ADAMTS12: variants seen among roughly 807,000 people sequenced by gnomAD.
ADAMTS12 encodes A disintegrin and metalloproteinase with thrombospondin motifs 12.
In ADAMTS12, 118 loss-of-function variants were observed where a neutral mutation model predicts 167.8. That is an observed-to-expected ratio of 0.70 (90% CI 0.61 to 0.82). The LOEUF (loss-of-function observed/expected upper bound fraction) is 0.82, where lower values mean the gene tolerates loss of function less well. Ranked by LOEUF, ADAMTS12 falls within the 40% of genes least tolerant of loss-of-function variation. ADAMTS12 has a pLI of 0.00. For synonymous variants in ADAMTS12, 704 were observed against 716.9 expected, an observed-to-expected ratio of 0.98 and a Z score of 0.29; for missense variants, 1,916 against 1,998.8, an observed-to-expected ratio of 0.96 and a Z score of 0.79.
At chr5:33,540,316 G>T (rs1744628472) in intron 22 of ADAMTS12, among the ~76,000 whole-genome samples, 1 of 152,256 alleles carries the variant, frequency 6.6e-6, no homozygotes, top group Non-Finnish European at 1.5e-5. Context: ...AGCTCGAACT[G>T]GGCGGAGCCC....
intron 3 of ADAMTS12, among the ~76,000 whole-genome samples, chr5:33,722,347 A>G (rs966847828): frequency 1.1e-4 from 16 of 152,212 alleles, no homozygotes; most frequent in Admixed American, 5.9e-4. Flanking sequence ...AATAATGATG[A>G]TGGTAAACAG....
intron 16 of ADAMTS12, 102 bp from the exon 17 acceptor site, chr5:33,596,162 A>C: frequency 6.9e-7 from 1 of 1,444,694 alleles, no homozygotes; most frequent in East Asian, 2.3e-5. Flanking sequence ...CTGACGGCTG[A>C]TGGGAAAGTT....
At chr5:33,854,386 A>G (rs1036153184) in intron 2 of ADAMTS12, among the ~76,000 whole-genome samples, 14 of 152,200 alleles carry the variant, frequency 9.2e-5, no homozygotes, top group South Asian at 6.2e-4. Flanking sequence ...TTCAAAGTAA[A>G]GTCTCCAGAA....
At chr5:33,719,353 A>G (rs1473685018) in intron 3 of ADAMTS12, among the ~76,000 whole-genome samples, 1 of 152,182 alleles carries the variant, frequency 6.6e-6, no homozygotes, top group East Asian at 1.9e-4. Flanking sequence ...AAGAAGGAAT[A>G]AGAAGAGCAG....
At chr5:33,533,467 T>C (rs1336411753) in intron 23 of ADAMTS12, among the ~76,000 whole-genome samples, 2 of 152,148 alleles carry the variant, frequency 1.3e-5, no homozygotes, top group African/African-American at 4.8e-5. Context: ...TCTAATTAGG[T>C]AGGTCTAGAG....
At chr5:33,581,319 A>G (rs1467200534) in intron 18 of ADAMTS12, among the ~76,000 whole-genome samples, 1 of 152,154 alleles carries the variant, frequency 6.6e-6, no homozygotes, top group Non-Finnish European at 1.5e-5. Flanking sequence ...CAGCATGTCA[A>G]CCTGTTAACC....
At chr5:33,565,884 C>T (rs1296964558) in intron 19 of ADAMTS12, among the ~76,000 whole-genome samples, 1 of 151,680 alleles carries the variant, frequency 6.6e-6, no homozygotes, top group Non-Finnish European at 1.5e-5. Flanking sequence ...AGTAATGGCT[C>T]GTTAAATCAA....
chr5:33,765,063 C>T (rs1055731980), intron 2 of ADAMTS12, among the ~76,000 whole-genome samples: 8 of 152,140 alleles, frequency 5.3e-5, no homozygotes, highest in Non-Finnish European at 7.4e-5. Context: ...AAAGTATATA[C>T]GTGAATGATC....
intron 21 of ADAMTS12, among the ~76,000 whole-genome samples, chr5:33,548,719 C>CACACACACAG (rs1745104019): frequency 6.6e-6 from 1 of 151,922 alleles, no homozygotes; most frequent in African/African-American, 2.4e-5. Flanking sequence ...CACACACACA[C>CACACACACAG]ACACACACAC....
intron 2 of ADAMTS12, among the ~76,000 whole-genome samples, chr5:33,785,446 T>C (rs1365348935): frequency 6.6e-6 from 1 of 152,124 alleles, no homozygotes; most frequent in Non-Finnish European, 1.5e-5. Flanking sequence ...TCAGAGTGTG[T>C]GTACATGTGT....
chr5:33,821,918 T>C (rs542496144), intron 2 of ADAMTS12, among the ~76,000 whole-genome samples: 1 of 152,348 alleles, frequency 6.6e-6, no homozygotes, highest in African/African-American at 2.4e-5. Flanking sequence ...TGATGAATTT[T>C]AGATTTCCTG....
intron 3 of ADAMTS12, among the ~76,000 whole-genome samples, chr5:33,698,763 C>A (rs1742877780): frequency 6.6e-6 from 1 of 152,178 alleles, no homozygotes; most frequent in African/African-American, 2.4e-5. Context: ...GATGATGAAA[C>A]CCCGTCTCTA....
intron 5 of ADAMTS12, among the ~76,000 whole-genome samples, chr5:33,665,687 G>A (rs759233730): frequency 2.0e-5 from 3 of 152,166 alleles, no homozygotes; most frequent in Non-Finnish European, 2.9e-5. Flanking sequence ...CAATAGGGAA[G>A]GCATCAGGTT....
chr5:33,832,448 T>C (rs1278542546), intron 2 of ADAMTS12, among the ~76,000 whole-genome samples: 1 of 152,190 alleles, frequency 6.6e-6, no homozygotes, highest in Non-Finnish European at 1.5e-5. Context: ...AAAGTCACTA[T>C]ATGAAAACTG....
At chr5:33,658,935 A>G (rs1413674553) in intron 6 of ADAMTS12, among the ~76,000 whole-genome samples, 1 of 152,202 alleles carries the variant, frequency 6.6e-6, no homozygotes, top group East Asian at 1.9e-4. Flanking sequence ...GCTTTTAAAT[A>G]GAAAAAACAT....
At chr5:33,714,117 G>T (rs1428501234) in intron 3 of ADAMTS12, among the ~76,000 whole-genome samples, 1 of 152,004 alleles carries the variant, frequency 6.6e-6, no homozygotes, top group African/African-American at 2.4e-5. Context: ...TTTACAAATT[G>T]GGGAACCATA....
intron 22 of ADAMTS12, among the ~76,000 whole-genome samples, chr5:33,539,306 G>A (rs532734669): frequency 6.6e-6 from 1 of 152,274 alleles, no homozygotes; most frequent in African/African-American, 2.4e-5. Flanking sequence ...AGCTTAGGGA[G>A]AATAATACCT....
At chr5:33,861,660 G>A (rs1430297824) in intron 2 of ADAMTS12, among the ~76,000 whole-genome samples, 1 of 152,166 alleles carries the variant, frequency 6.6e-6, no homozygotes, top group Non-Finnish European at 1.5e-5. Context: ...CTTGAACTCA[G>A]CTCTGGACCA....
chr5:33,639,256 A>G (rs73758929), intron 11 of ADAMTS12, among the ~76,000 whole-genome samples: 3,694 of 152,268 alleles, frequency 0.024, 149 homozygotes, highest in African/African-American at 0.085. Flanking sequence ...TTTATATACT[A>G]CCATGTGCTC....
Sources: gnomAD v4.1 joint callset for allele counts (sites outside exome capture counted in the v4.1 genomes callset) on GRCh38, gnomAD v4.1.1 for gene constraint, MANE v1.5 for transcripts, NCBI Gene and HGNC (gene_info 2026-07-23, HGNC 2026-07-21) for gene names.